SNHG17: variants seen among roughly 807,000 people sequenced by gnomAD.
SNHG17 encodes the protein small nucleolar RNA host gene 17.
At chr20:38,425,219 G>A (rs911263832) in intron 5 of SNHG17, 1 of 519,162 alleles carries the variant, frequency 1.9e-6, no homozygotes, top group Non-Finnish European at 3.8e-6. Flanking sequence ...TCCAGAGTTT[G>A]GAAGGGATAG....
intron 5 of SNHG17, among the ~76,000 whole-genome samples, chr20:38,425,533 A>G (rs546793684): frequency 6.6e-6 from 1 of 152,210 alleles, no homozygotes; most frequent in East Asian, 1.9e-4. Context: ...AGACCATGTT[A>G]AGCCAGATTG....
intron 2 of SNHG17, chr20:38,432,076 T>C (rs1191146681): frequency 1.0e-5 from 10 of 985,298 alleles, no homozygotes; most frequent in African/African-American, 1.7e-5. Context: ...CAGCCTCCTC[T>C]GCCAGAATCA....
At chr20:38,424,438 G>C (rs1418340015) in intron 5 of SNHG17, among the ~76,000 whole-genome samples, 1 of 152,218 alleles carries the variant, frequency 6.6e-6, no homozygotes, top group African/African-American at 2.4e-5. Context: ...GTAGACCATG[G>C]ACGCTCCTCA....
intron 5 of SNHG17, chr20:38,425,080 C>T (rs1425210411): frequency 5.2e-6 from 2 of 383,756 alleles, no homozygotes; most frequent in African/African-American, 4.2e-5. Flanking sequence ...GTTTCCTTCA[C>T]TGGCTCCAGG....
exon 5 of SNHG17, chr20:38,425,950 C>T (rs1392572628): frequency 6.6e-6 from 1 of 151,082 alleles, no homozygotes; most frequent in Non-Finnish European, 1.5e-5. Flanking sequence ...GTCCCAGCTA[C>T]TCAGGAAGCT....
At chr20:38,422,501 G>A (rs2084173471) in intron 5 of SNHG17, among the ~76,000 whole-genome samples, 1 of 152,156 alleles carries the variant, frequency 6.6e-6, no homozygotes, top group African/African-American at 2.4e-5. Context: ...TCTAGGAAGA[G>A]GTCGGCAAAC....
chr20:38,434,883 C>CG (rs1031028861), intron 1 of SNHG17: 49 of 1,212,682 alleles, frequency 4.0e-5, no homozygotes, highest in Non-Finnish European at 4.8e-5. Flanking sequence ...TGCCAGGAGT[C>CG]GGGGGCGGGC....
chr20:38,420,788 G>A (rs2122672162), exon 8 of SNHG17: 1 of 152,310 alleles, frequency 6.6e-6, no homozygotes, highest in South Asian at 2.1e-4. Flanking sequence ...ATTGAACAGT[G>A]GATCCGGGGT....
chr20:38,431,276 G>A (rs1371664750), intron 2 of SNHG17, among the ~76,000 whole-genome samples: 1 of 152,228 alleles, frequency 6.6e-6, no homozygotes, highest in East Asian at 1.9e-4. Flanking sequence ...CACTGACACA[G>A]TCCCCTGAGG....
intron 1 of SNHG17, chr20:38,435,176 T>G (rs912311464): frequency 8.1e-7 from 1 of 1,232,212 alleles, no homozygotes; most frequent in Non-Finnish European, 1.0e-6. Flanking sequence ...GAGCCGACCA[T>G]GCGCCCTGCT....
At chr20:38,435,178 C>A (rs1600774076) in intron 1 of SNHG17, 4 of 1,232,238 alleles carry the variant, frequency 3.2e-6, no homozygotes, top group South Asian at 4.1e-5. Context: ...GCCGACCATG[C>A]GCCCTGCTGT....
intron 5 of SNHG17, among the ~76,000 whole-genome samples, chr20:38,425,601 A>T (rs2084233240): frequency 6.6e-6 from 1 of 152,210 alleles, no homozygotes; most frequent in African/African-American, 2.4e-5. Flanking sequence ...AAGAACTTGC[A>T]CTTCTTACAA....
At chr20:38,433,782 C>T (rs2084377454) in intron 2 of SNHG17, 2 of 518,076 alleles carry the variant, frequency 3.9e-6, no homozygotes. Flanking sequence ...CCTCATGGAA[C>T]CCTGCACTGA....
At chr20:38,432,571 A>T (rs916022304) in intron 2 of SNHG17, among the ~76,000 whole-genome samples, 3 of 152,208 alleles carry the variant, frequency 2.0e-5, no homozygotes, top group African/African-American at 7.2e-5. Context: ...ACCGTCAAAG[A>T]GAACACCATG....
chr20:38,426,999 C>CAT (rs2084260535), intron 3 of SNHG17, among the ~76,000 whole-genome samples: 1 of 124,124 alleles, frequency 8.1e-6, no homozygotes, highest in African/African-American at 3.6e-5. Context: ...TACACATACA[C>CAT]ACACACACAC....
chr20:38,434,707 C>T, intron 1 of SNHG17: 1 of 355,130 alleles, frequency 2.8e-6, no homozygotes, highest in Non-Finnish European at 4.0e-6. Context: ...CACTGGAGTG[C>T]TGGCAGCGTC....
exon 8 of SNHG17, chr20:38,420,891 C>A (rs3752275): frequency 5.3e-5 from 8 of 152,218 alleles, no homozygotes; most frequent in Admixed American, 3.3e-4. Flanking sequence ...ACAAACACCA[C>A]CAAGAGATTC....
chr20:38,423,682 C>A (rs2084197638), intron 5 of SNHG17, among the ~76,000 whole-genome samples: 1 of 151,718 alleles, frequency 6.6e-6, no homozygotes, highest in Admixed American at 6.6e-5. Context: ...ATGAGTAAGT[C>A]TAGAGGGCTC....
Position 38,432,034 on chromosome 20 carries a change from G to C in SNHG17, n.309-922C>G, listed in dbSNP as rs888556785. Reference sequence around the variant, plus strand: ...GGTCCACCTGCTTCCTGGCAGGGTGGAGATACCTCTCATGGGCCTCTCTGC... The same window carrying C: ...GGTCCACCTGCTTCCTGGCAGGGTGCAGATACCTCTCATGGGCCTCTCTGC... On this transcript the variant is annotated intron_variant and non_coding_transcript_variant, in intron 2 of 8. Transcript: ENST00000654008. The C allele has an allele frequency of 6.1e-6, 6 of 985,382 alleles. No individual in the cohort carries two copies. In the South Asian group the frequency reaches 2.8e-4, roughly 46 times the overall value. The allele number at this position is 985,382 out of a possible 1,614,324, so 61.0% of individuals were successfully genotyped here.
Sources: gnomAD v4.1 joint callset for allele counts (sites outside exome capture counted in the v4.1 genomes callset) on GRCh38, gnomAD v4.1.1 for gene constraint, MANE v1.5 for transcripts, NCBI Gene and HGNC (gene_info 2026-07-23, HGNC 2026-07-21) for gene names.